MYO1H: variants seen among roughly 807,000 people sequenced by gnomAD.
The protein encoded by MYO1H is myosin IH, also known as unconventional myosin-Ih.
A neutral mutation model predicts 149.3 loss-of-function variants in MYO1H; 118 were observed. The ratio of observed to expected loss-of-function variants is 0.79; its 90% CI spans 0.68 to 0.92. The LOEUF is 0.92. Among genes scored for constraint, MYO1H ranks in the 40% least tolerant of loss-of-function variants. MYO1H has a pLI of 0.00. For missense variants in MYO1H, 1,212 were observed against 1,280.7 expected (o/e 0.95, Z 0.82); for synonymous variants, 447 against 465.2 (o/e 0.96, Z 0.50).
chr12:109,439,499 G>GGCCTGTGGCCTACATTCCAT, intron 23 of MYO1H, 132 bp from the exon 24 acceptor site: 1 of 721,798 alleles, frequency 1.4e-6, no homozygotes, highest in Non-Finnish European at 2.0e-6. Context: ...GGGCAGATTT[G>GGCCTGTGGCCTACATTCCAT]GCCTCTGGCC....
exon 4 of MYO1H, chr12:109,396,577 C>T (rs546409457): frequency 5.9e-5 from 95 of 1,610,150 alleles, no homozygotes; most frequent in Admixed American, 2.2e-4. Context: ...CAACCCAGTG[C>T]TGGAGGTAAG....
At chr12:109,334,769 G>T in the MYO1H span, among the ~76,000 whole-genome samples, 4 of 152,234 alleles carry the variant, frequency 2.6e-5, no homozygotes, top group African/African-American at 9.6e-5. Context: ...TAAAATAAAA[G>T]CTTTATTGAG....
rs746460703 is a variant in MYO1H, at chr12:109,405,978, A to C, written c.906A>C (p.Glu302Asp). The C allele has an allele frequency of 8.1e-6, 13 of 1,613,828 alleles. No homozygotes were observed. In the East Asian group the frequency reaches 8.9e-5, roughly 11 times the overall value. ...ACCTGGGGAACATTGGTTTTGAAGA[A>C]GACGACCAAGGCTGTGCCACTATCC... The change falls in exon 8 of 32, where the codon GAA (glutamate) becomes GAC (aspartate). Residue 302 changes from glutamate (E) to aspartate (D), a missense_variant. Coordinates refer to ENST00000310903, the Ensembl canonical transcript of MYO1H.
At chr12:109,439,063 T>C (rs925895801) in intron 23 of MYO1H, among the ~76,000 whole-genome samples, 2 of 84,318 alleles carry the variant, frequency 2.4e-5, no homozygotes, top group Non-Finnish European at 4.5e-5. Flanking sequence ...GCTTTTGGGG[T>C]TTTGTTGTTG....
At chr12:109,333,411 A>G in the MYO1H span, among the ~76,000 whole-genome samples, 4 of 151,980 alleles carry the variant, frequency 2.6e-5, no homozygotes, top group African/African-American at 9.7e-5. Flanking sequence ...TGGATCATCC[A>G]TTGCCTTCTC....
chr12:109,399,247 C>T (rs10850131), intron 5 of MYO1H, among the ~76,000 whole-genome samples: 77,708 of 151,988 alleles, frequency 0.51, 20,821 homozygotes, highest in African/African-American at 0.66. Context: ...CAGTGAATTT[C>T]TACGTATGTG....
At chr12:109,350,741 T>A (rs1049621227) in intron 1 of MYO1H, among the ~76,000 whole-genome samples, 39 of 152,236 alleles carry the variant, frequency 2.6e-4, no homozygotes, top group African/African-American at 9.2e-4. Flanking sequence ...GGTTCAAATA[T>A]GTTTTCCTGA....
chr12:109,318,966 G>GTTTTTTTTTTTT, the MYO1H span, among the ~76,000 whole-genome samples: 1 of 61,236 alleles, frequency 1.6e-5, no homozygotes, highest in Non-Finnish European at 2.9e-5. Context: ...CTGCGTTTTT[G>GTTTTTTTTTTTT]GTTTTGTTTT....
chr12:109,445,921 T>TTATCCATAAC lies in MYO1H; in HGVS notation c.3093+321_3093+330dup, dbSNP rs1218203389. On this transcript the variant is annotated intron_variant, in intron 31 of 31. Coordinates refer to ENST00000310903, the Ensembl canonical transcript of MYO1H. ...GATAAAGGCTTCACGCTTATTACAG[T>TTATCCATAAC]TATCCATAACTATCCATAACTTCCC... 3 of 985,448 alleles carry TTATCCATAAC rather than the reference T, an allele frequency of 3.0e-6. No homozygotes were observed. The African/African-American group carries it at 5.2e-5, about 17-fold the overall frequency. 61.0% of individuals were successfully genotyped at this position (985,448 alleles called of 1,614,324 possible). A position where few individuals can be genotyped will look rare whatever the true frequency, so the allele number is the denominator to read the frequency against.
chr12:109,396,266 C>A, intron 3 of MYO1H, 118 bp from the exon 4 acceptor site: 1 of 781,424 alleles, frequency 1.3e-6, no homozygotes, highest in Non-Finnish European at 2.0e-6. Flanking sequence ...TGTCCTTGTA[C>A]CACAGTCTGG....
Position 109,361,256 on chromosome 12 carries a change from TGTA to T in MYO1H, c.12+13288_12+13290del, listed in dbSNP as rs542511816. The stretch of plus-strand genomic sequence containing the variant: ...TAATAAATTATAAAGTGTACACCCA[TGTA>T]GTAACCATCCAGGTAAAGACATAGA... On this transcript the variant is annotated intron_variant, in intron 1 of 31. Coordinates refer to ENST00000310903, the Ensembl canonical transcript of MYO1H. Among the ~76,000 whole-genome samples, 209 of 152,296 alleles carry T rather than the reference TGTA, an allele frequency of 1.4e-3. 2 individuals carry two copies. Among genetic ancestry groups the T allele is most frequent in the African/African-American group, 4.7e-3 (197 of 41,558 alleles).
At chr12:109,439,644 T>C (rs747899676) in exon 24 of MYO1H, 4 of 1,612,256 alleles carry the variant, frequency 2.5e-6, no homozygotes, top group Non-Finnish European at 2.5e-6. Flanking sequence ...CATTAAAGGA[T>C]TCATCAGTCG....
intron 1 of MYO1H, among the ~76,000 whole-genome samples, chr12:109,388,188 A>G (rs1311678765): frequency 4.7e-5 from 7 of 149,528 alleles, no homozygotes; most frequent in Non-Finnish European, 5.9e-5. Context: ...AATTAATTTT[A>G]AAAAAAGAAA....
At chr12:109,394,943 A>G (rs1243520484) in intron 3 of MYO1H, among the ~76,000 whole-genome samples, 2 of 152,020 alleles carry the variant, frequency 1.3e-5, no homozygotes, top group Non-Finnish European at 2.9e-5. Flanking sequence ...TGTAATTTTT[A>G]TAGAGACAGG....
chr12:109,443,146 G>A lies in MYO1H; in HGVS notation c.2689-368G>A, dbSNP rs1592823466. On this transcript the variant is annotated intron_variant, in intron 27 of 31. Transcript: ENST00000310903. ...TGTACGTATATATGTGTGTATATGT[G>A]TACGTATGTGTGTGTATATGTGTAC... Among the ~76,000 whole-genome samples, 3 of 132,990 alleles carry A rather than the reference G, an allele frequency of 2.3e-5. 1 individual carries two copies. The East Asian group carries it at 6.1e-4, about 27-fold the overall frequency. 87.2% of individuals were successfully genotyped at this position (132,990 alleles called of 152,430 possible).
chr12:109,443,041 T>TGTGTGTATATATGTGTAC lies in MYO1H; in HGVS notation c.2689-470_2689-453dup, dbSNP rs1182627124. On this transcript the variant is annotated intron_variant, in intron 27 of 31. Transcript: ENST00000310903. ...ATATATATATATATGTGTGTGTGTG[T>TGTGTGTATATATGTGTAC]GTGTGTATATATGTGTACGTATGTG... Among the ~76,000 whole-genome samples the TGTGTGTATATATGTGTAC allele has an allele frequency of 3.5e-4, 37 of 106,952 alleles. 11 individuals carry two copies. The highest frequency in any genetic ancestry group is 5.1e-4 in the South Asian group (2 of 3,908). The allele number at this position is 106,952 out of a possible 152,430, so 70.2% of individuals were successfully genotyped here. A position where few individuals can be genotyped will look rare whatever the true frequency, so the allele number is the denominator to read the frequency against.
At chr12:109,387,037 T>TGTA (rs1555249857) in intron 1 of MYO1H, among the ~76,000 whole-genome samples, 2 of 141,214 alleles carry the variant, frequency 1.4e-5, no homozygotes, top group South Asian at 2.3e-4. Flanking sequence ...TGTGTGTGTG[T>TGTA]GTGTAGTGTA....
the MYO1H span, among the ~76,000 whole-genome samples, chr12:109,328,300 G>A: frequency 1.3e-5 from 2 of 152,034 alleles, no homozygotes; most frequent in Non-Finnish European, 2.9e-5. Context: ...CAAGCAACAT[G>A]CATTAATTCT....
rs1872163338 is a variant in MYO1H, at chr12:109,442,154, A to G, written c.2633-63A>G. 3 of 1,416,546 alleles carry G rather than the reference A, an allele frequency of 2.1e-6. No individual in the cohort carries two copies. The South Asian group carries it at 3.5e-5, about 16-fold the overall frequency. The allele number at this position is 1,416,546 out of a possible 1,614,324, so 87.7% of individuals were successfully genotyped here. A position where few individuals can be genotyped will look rare whatever the true frequency, so the allele number is the denominator to read the frequency against. On this transcript the variant is annotated intron_variant, in intron 26 of 31. Transcript: ENST00000310903. Reference sequence around the variant, plus strand: ...ATGCATAACAAAACTAGCAGATACCAATGACTTTTCCACAGGATTGGTACT... The same window carrying G: ...ATGCATAACAAAACTAGCAGATACCGATGACTTTTCCACAGGATTGGTACT...
Sources: allele counts gnomAD v4.1 joint callset (sites outside exome capture counted in the v4.1 genomes callset), GRCh38; gene constraint gnomAD v4.1.1; transcripts MANE v1.5; gene names NCBI Gene and HGNC (gene_info 2026-07-23, HGNC 2026-07-21).